ZRANB1: variants seen among roughly 807,000 people sequenced by gnomAD.
ZRANB1 encodes ubiquitin thioesterase ZRANB1.
A neutral mutation model predicts 80.5 loss-of-function variants in ZRANB1; 16 were observed. The observed-to-expected ratio is 0.20, with a 90% CI of 0.13 to 0.30. The LOEUF (loss-of-function observed/expected upper bound fraction) is 0.30. ZRANB1 is among the 10% of genes least tolerant of loss of function. The pLI is 1.00. For missense variants in ZRANB1, 576 were observed against 862.6 expected, an observed-to-expected ratio of 0.67 and a Z score of 4.16; for synonymous variants, 291 against 293.1, an observed-to-expected ratio of 0.99 and a Z score of 0.07.
At chr10:124,975,672 A>G (rs2133988954) in intron 5 of ZRANB1, among the ~76,000 whole-genome samples, 1 of 152,242 alleles carries the variant, frequency 6.6e-6, no homozygotes, top group African/African-American at 2.4e-5. Context: ...CCGGCCTATA[A>G]ATTACTTTCT....
Position 124,943,060 on chromosome 10 carries a change from A to G in ZRANB1, c.567A>G (p.Glu189=). 1 of 1,614,226 alleles carries G rather than the reference A, an allele frequency of 6.2e-7. No homozygotes were observed. Among genetic ancestry groups the G allele is most frequent in the South Asian group, 1.1e-5 (1 of 91,086 alleles). ...AAGCAATAGAATTGGCAGAGACTGAAGAGGCTTCTTCAATAATAAATGAGC... is the reference window on the plus strand; with the variant it reads ...AAGCAATAGAATTGGCAGAGACTGAGGAGGCTTCTTCAATAATAAATGAGC... ...NIEAIELAET[E]EASSIINEQD... The change falls in exon 1 of 9, where the codon GAA becomes GAG. Residue 189 remains glutamate, a synonymous_variant. Coordinates refer to ENST00000359653, the MANE Select transcript of ZRANB1 (RefSeq NM_017580.3).
chr10:124,936,593 G>A, the ZRANB1 span, among the ~76,000 whole-genome samples: 2 of 152,176 alleles, frequency 1.3e-5, no homozygotes, highest in Non-Finnish European at 1.5e-5. Flanking sequence ...CGATCTTCAC[G>A]ATCCTGGTCT....
chr10:124,948,047 C>T (rs1463553003), intron 1 of ZRANB1, among the ~76,000 whole-genome samples: 1 of 152,146 alleles, frequency 6.6e-6, no homozygotes, highest in African/African-American at 2.4e-5. Context: ...TAACACAGGT[C>T]TGAACTGTGC....
chr10:124,938,912 C>T (rs539861085), upstream of ZRANB1, among the ~76,000 whole-genome samples: 7 of 151,974 alleles, frequency 4.6e-5, no homozygotes, highest in Non-Finnish European at 5.9e-5. Context: ...CATAGTGGCT[C>T]GCGCCTGTAA....
chr10:124,941,356 A>T (rs750296739), upstream of ZRANB1, among the ~76,000 whole-genome samples: 3 of 151,976 alleles, frequency 2.0e-5, no homozygotes, highest in Non-Finnish European at 2.9e-5. Flanking sequence ...TATGAATTGG[A>T]TTTTTTGGGG....
At position 124,942,938 on chromosome 10, in the gene ZRANB1, A is replaced by G. The variant is rs780906287; in HGVS notation, c.445A>G (p.Arg149Gly). ...CAATGATAGAAATAAACTGAACACTAGGACACAGCACTGGACTTGCTCTGT... is the reference window on the plus strand; with the variant it reads ...CAATGATAGAAATAAACTGAACACTGGGACACAGCACTGGACTTGCTCTGT... ...EYNDRNKLNT[R>G]TQHWTCSVCT... Residue 149 changes from arginine to glycine, a missense_variant, in exon 1 of 9, where the codon AGG (arginine) becomes GGG (glycine). Arg to Gly is a moderately radical substitution (Grantham distance 125). Coordinates refer to ENST00000359653, the MANE Select transcript of ZRANB1 (RefSeq NM_017580.3). 1.2e-5 allele frequency: 20 copies of G among 1,614,114 alleles called. No individual in the cohort carries two copies. Among genetic ancestry groups the G allele is most frequent in the Non-Finnish European group, 1.5e-5 (18 of 1,180,056 alleles).
chr10:124,922,281 A>T, the ZRANB1 span, among the ~76,000 whole-genome samples: 236 of 87,394 alleles, frequency 2.7e-3, 2 homozygotes, highest in African/African-American at 9.9e-3. Context: ...ATATATGTAA[A>T]ATATATATAT....
the ZRANB1 span, among the ~76,000 whole-genome samples, chr10:124,932,028 T>C: frequency 1.3e-5 from 2 of 152,240 alleles, no homozygotes; most frequent in South Asian, 4.1e-4. Context: ...CTTCATGTTT[T>C]GCCTTTTCTA....
Position 124,979,925 on chromosome 10 carries a change from A to T in ZRANB1, c.1428-1784A>T, listed in dbSNP as rs147412018. ...TCATTACCAGACTGTCTGGATGATC[A>T]TATCTTTGTAATACATTTTGAAATC... On this transcript the variant is annotated intron_variant, in intron 5 of 8. Coordinates refer to ENST00000359653, the MANE Select transcript of ZRANB1 (RefSeq NM_017580.3). Among the ~76,000 whole-genome samples, 294 of 152,340 alleles carry T rather than the reference A, an allele frequency of 1.9e-3. 5 individuals carry two copies. Among genetic ancestry groups the T allele is most frequent in the East Asian group, 0.014 (73 of 5,188 alleles).
intron 2 of ZRANB1, among the ~76,000 whole-genome samples, chr10:124,968,061 G>A (rs1310068905): frequency 6.6e-6 from 1 of 151,990 alleles, no homozygotes; most frequent in Admixed American, 6.6e-5. Flanking sequence ...ACCATGCCTG[G>A]CTAATTTTGT....
chr10:124,953,662 T>G lies in ZRANB1; in HGVS notation c.814+10355T>G, dbSNP rs992100515. ...TGCTCTGCTCATGTTGGCCTGTTTT[T>G]GGCTTGGTATACCAAAGGTGTTTGG... is the stretch of plus-strand genomic sequence containing the variant. On this transcript the variant is annotated intron_variant, in intron 1 of 8. Transcript: ENST00000359653. Among the ~76,000 whole-genome samples, 29 of 152,232 alleles carry G rather than the reference T, an allele frequency of 1.9e-4. 1 individual carries two copies. The highest frequency in any genetic ancestry group is 4.6e-4 in the Admixed American group (7 of 15,276).
At chr10:124,984,477 G>A (rs1389491447) in intron 8 of ZRANB1, 3 of 320,752 alleles carry the variant, frequency 9.4e-6, no homozygotes, top group Non-Finnish European at 1.7e-5. Flanking sequence ...TGAAGCTGTG[G>A]CTTGCCAGGA....
At chr10:124,922,418 C>T in the ZRANB1 span, among the ~76,000 whole-genome samples, 1 of 149,918 alleles carries the variant, frequency 6.7e-6, no homozygotes, top group East Asian at 1.9e-4. Flanking sequence ...CTTGACTTCC[C>T]AGGCTCAAGC....
chr10:124,919,311 G>T, the ZRANB1 span, among the ~76,000 whole-genome samples: 1 of 152,140 alleles, frequency 6.6e-6, no homozygotes, highest in Non-Finnish European at 1.5e-5. Context: ...TTGGGAGGTT[G>T]AGGCGGGCGG....
intron 1 of ZRANB1, among the ~76,000 whole-genome samples, chr10:124,960,455 A>G (rs1374693445): frequency 6.6e-6 from 1 of 152,190 alleles, no homozygotes; most frequent in Non-Finnish European, 1.5e-5. Context: ...AAACAGAGAC[A>G]GGGTCTCACT....
At chr10:124,922,159 G>C in the ZRANB1 span, among the ~76,000 whole-genome samples, 1 of 150,554 alleles carries the variant, frequency 6.6e-6, no homozygotes, top group African/African-American at 2.4e-5. Context: ...CCCCCAGGCT[G>C]GTCTTGAATT....
In ZRANB1 at chr10:124,942,763, C is replaced by T; in HGVS notation, c.270C>T (p.Cys90=). Residue 90 remains cysteine (C), a synonymous_variant, in exon 1 of 9, where the codon TGC becomes TGT. Coordinates refer to ENST00000359653, the MANE Select transcript of ZRANB1 (RefSeq NM_017580.3). The part of the protein sequence containing the change: ...YSMENANKWS[C]HMCTYLNWPR... ...TGGAAAATGCAAATAAGTGGTCATGCCACATGTGTACATATTTGAACTGGC... is the reference window on the plus strand; with the variant it reads ...TGGAAAATGCAAATAAGTGGTCATGTCACATGTGTACATATTTGAACTGGC... The T allele has an allele frequency of 6.2e-7, 1 of 1,614,170 alleles. No homozygotes were observed. The highest frequency in any genetic ancestry group is 8.5e-7 in the Non-Finnish European group (1 of 1,180,036).
In ZRANB1 at chr10:124,984,726, T is replaced by C. The variant is rs370876248; in HGVS notation, c.1909-48T>C. ...TTCCATGTCACATTCCTACCAAGTC[T>C]CTGATCTGTTGTATGATTTTCCCTT... On this transcript the variant is annotated intron_variant, in intron 8 of 8. Coordinates refer to ENST00000359653, the MANE Select transcript of ZRANB1 (RefSeq NM_017580.3). 1.1e-5 allele frequency: 18 copies of C among 1,573,778 alleles called. No individual in the cohort carries two copies. In the Middle Eastern group the frequency reaches 5.8e-4, roughly 51 times the overall value.
At chr10:124,984,622 C>G in intron 8 of ZRANB1, 152 bp from the exon 9 acceptor site, 1 of 717,918 alleles carries the variant, frequency 1.4e-6, no homozygotes, top group Non-Finnish European at 2.2e-6. Context: ...ACTTTAATCA[C>G]AAAACTTCCA....
Sources: allele counts gnomAD v4.1 joint callset (sites outside exome capture counted in the v4.1 genomes callset), GRCh38; gene constraint gnomAD v4.1.1; transcripts MANE v1.5; gene names NCBI Gene and HGNC (gene_info 2026-07-23, HGNC 2026-07-21).